ITPK1: variants seen among roughly 807,000 people sequenced by gnomAD.
The protein encoded by ITPK1 is inositol-tetrakisphosphate 1-kinase.
Under a neutral mutation model 45.3 loss-of-function variants are expected in ITPK1, and 21 were observed. The observed-to-expected ratio is 0.46, with a 90% CI of 0.33 to 0.67. ITPK1 has a LOEUF of 0.67. Among genes scored for constraint, ITPK1 ranks in the 30% least tolerant of loss-of-function variants. ITPK1 has a pLI of 0.02. For missense variants in ITPK1, 474 were observed against 573.5 expected (o/e 0.83, Z 1.77); for synonymous variants, 258 against 253.6 (o/e 1.02, Z -0.16).
rs1052977826 is a variant in ITPK1 at position 93,001,834 on chromosome 14, G to A, written c.247-7837C>T. Reference sequence around the variant, plus strand: ...GCCCAGCTGAGGGCCACAAGGCCTGGCCTTTCCACCAGCTCCTCCGTACCC... The same window carrying A: ...GCCCAGCTGAGGGCCACAAGGCCTGACCTTTCCACCAGCTCCTCCGTACCC... On this transcript the variant is annotated intron_variant, in intron 4 of 10. Transcript: ENST00000267615. Among the ~76,000 whole-genome samples, 56 of 152,308 alleles carry A rather than the reference G, an allele frequency of 3.7e-4. 1 individual carries two copies. Among genetic ancestry groups the A allele is most frequent in the African/African-American group, 1.3e-3 (53 of 41,562 alleles).
intron 4 of ITPK1, among the ~76,000 whole-genome samples, chr14:92,996,413 T>A (rs1887058116): frequency 8.2e-6 from 1 of 121,638 alleles, no homozygotes; most frequent in Non-Finnish European, 1.7e-5. Context: ...GTGGGGAATA[T>A]CACACACCGG....
In ITPK1 at chr14:92,938,253, C is replaced by A. The variant is rs552669314; in HGVS notation, c.*3308G>T. ...GATGACAGGCGTGAGCCGCCATGCC[C>A]GGCCAGAGTTTCTAGGGAATAGAAG... On this transcript the variant is annotated 3_prime_UTR_variant, in exon 11 of 11. Coordinates refer to ENST00000267615, the MANE Select transcript of ITPK1 (RefSeq NM_014216.6). The A allele has an allele frequency of 3.4e-6, 2 of 590,020 alleles. No individual in the cohort carries two copies. Among genetic ancestry groups the A allele is most frequent in the Non-Finnish European group, 6.0e-6 (2 of 332,788 alleles). The allele number at this position is 590,020 out of a possible 1,614,324, so 36.5% of individuals were successfully genotyped here.
At chr14:93,099,356 C>G (rs926321753) in intron 2 of ITPK1, among the ~76,000 whole-genome samples, 1 of 152,176 alleles carries the variant, frequency 6.6e-6, no homozygotes, top group African/African-American at 2.4e-5. Context: ...CAGGGTCAAA[C>G]AGCAACAGGC....
At chr14:92,950,682 A>C (rs1465639724) in intron 9 of ITPK1, among the ~76,000 whole-genome samples, 1 of 152,182 alleles carries the variant, frequency 6.6e-6, no homozygotes. Context: ...CTGAGAGGAC[A>C]CTCAGTCTGC....
intron 3 of ITPK1, chr14:93,068,269 G>C (rs1488662212): frequency 6.6e-6 from 1 of 152,264 alleles, no homozygotes; most frequent in Non-Finnish European, 1.5e-5. Context: ...ACCCCACAGG[G>C]AAGTGAGGCA....
chr14:92,997,871 T>C (rs1334316257), intron 4 of ITPK1, among the ~76,000 whole-genome samples: 1 of 152,084 alleles, frequency 6.6e-6, no homozygotes, highest in Non-Finnish European at 1.5e-5. Context: ...CTCTCAGGGT[T>C]TTCAGAGGCC....
At position 92,937,400 on chromosome 14, in the gene ITPK1, G is replaced by A. The variant is rs1252301147; in HGVS notation, c.*4161C>T. 1 of 152,242 alleles carries A rather than the reference G, an allele frequency of 6.6e-6. No individual in the cohort carries two copies. The highest frequency in any genetic ancestry group is 1.5e-5 in the Non-Finnish European group (1 of 68,056). The allele number at this position is 152,242 out of a possible 1,614,324, so 9.4% of individuals were successfully genotyped here. On this transcript the variant is annotated 3_prime_UTR_variant, in exon 11 of 11. Coordinates refer to ENST00000267615, the MANE Select transcript of ITPK1 (RefSeq NM_014216.6). ...GATTCCACACAGCCCTGGAGGAAGG[G>A]GGTCGGCCAGGCTGCAGGAGGGGAC...
At chr14:92,968,181 T>A (rs1179025771) in intron 5 of ITPK1, among the ~76,000 whole-genome samples, 1 of 151,918 alleles carries the variant, frequency 6.6e-6, no homozygotes, top group Non-Finnish European at 1.5e-5. Flanking sequence ...AATACAAGAA[T>A]TAGCTGGGTG....
intron 3 of ITPK1, among the ~76,000 whole-genome samples, chr14:93,029,454 A>G (rs1021981736): frequency 1.3e-5 from 2 of 152,002 alleles, no homozygotes; most frequent in South Asian, 2.1e-4. Context: ...TGGGCCTAGC[A>G]GGGTAAGAAA....
In ITPK1 at chr14:93,082,262, CGA is replaced by C. The variant is rs560756005; in HGVS notation, c.96-5645_96-5644del. Reference sequence around the variant, plus strand: ...GAGGCCCTGCGCCAGGCCCAGGAGACGAGAGAACACTGCAAGAAGGCAGCAGC... The same window carrying C: ...GAGGCCCTGCGCCAGGCCCAGGAGACGAGAACACTGCAAGAAGGCAGCAGC... On this transcript the variant is annotated intron_variant, in intron 2 of 10. Coordinates refer to ENST00000267615, the MANE Select transcript of ITPK1 (RefSeq NM_014216.6). Among the ~76,000 whole-genome samples, 23 of 152,270 alleles carry C rather than the reference CGA, an allele frequency of 1.5e-4. No individual in the cohort carries two copies. The South Asian group carries it at 4.6e-3, about 30-fold the overall frequency.
At chr14:92,999,746 G>A (rs1421340799) in intron 4 of ITPK1, among the ~76,000 whole-genome samples, 1 of 152,204 alleles carries the variant, frequency 6.6e-6, no homozygotes, top group Non-Finnish European at 1.5e-5. Flanking sequence ...CTACCTCATA[G>A]GATTTTTATT....
At chr14:93,095,929 G>T (rs1427578802) in intron 2 of ITPK1, among the ~76,000 whole-genome samples, 1 of 152,192 alleles carries the variant, frequency 6.6e-6, no homozygotes, top group Non-Finnish European at 1.5e-5. Flanking sequence ...ATGGGGTTGT[G>T]TTCTTTTTCA....
At chr14:92,991,340 G>A (rs961660404) in intron 5 of ITPK1, among the ~76,000 whole-genome samples, 3 of 152,050 alleles carry the variant, frequency 2.0e-5, no homozygotes, top group Non-Finnish European at 2.9e-5. Context: ...GCCTCTGACC[G>A]CCCTCCTGGA....
intron 3 of ITPK1, among the ~76,000 whole-genome samples, chr14:93,045,570 A>G (rs1039105378): frequency 6.6e-6 from 1 of 152,180 alleles, no homozygotes; most frequent in Non-Finnish European, 1.5e-5. Context: ...GAGGAGGATC[A>G]CTGGAGCCCA....
At chr14:92,990,610 G>T (rs1221729591) in intron 5 of ITPK1, among the ~76,000 whole-genome samples, 1 of 152,222 alleles carries the variant, frequency 6.6e-6, no homozygotes, top group African/African-American at 2.4e-5. Context: ...AGACAAGAAT[G>T]AGCTCTGGGA....
chr14:92,938,659 T>A lies in ITPK1; in HGVS notation c.*2902A>T. ...CAGCTGGGTCCAATCCCGCCGGCCATGCTGGGTGACTGCAGGCCCAGCCCA... is the reference window on the plus strand; with the variant it reads ...CAGCTGGGTCCAATCCCGCCGGCCAAGCTGGGTGACTGCAGGCCCAGCCCA... On this transcript the variant is annotated 3_prime_UTR_variant, in exon 11 of 11. Transcript: ENST00000267615. The A allele has an allele frequency of 4.1e-6, 3 of 730,286 alleles. No individual in the cohort carries two copies. In the South Asian group the frequency reaches 4.9e-5, roughly 12 times the overall value. The allele number at this position is 730,286 out of a possible 1,614,324, so 45.2% of individuals were successfully genotyped here. A position where few individuals can be genotyped will look rare whatever the true frequency, so the allele number is the denominator to read the frequency against.
chr14:93,091,349 A>G (rs1428364494), intron 2 of ITPK1, among the ~76,000 whole-genome samples: 3 of 152,200 alleles, frequency 2.0e-5, no homozygotes, highest in African/African-American at 7.2e-5. Flanking sequence ...CCACAGAAGC[A>G]CTTCCAGCTG....
intron 2 of ITPK1, among the ~76,000 whole-genome samples, chr14:93,114,392 C>T (rs1892860043): frequency 6.6e-6 from 1 of 152,224 alleles, no homozygotes; most frequent in Non-Finnish European, 1.5e-5. Context: ...GCACTTTCTA[C>T]GCACCAGCCA....
In ITPK1 at chr14:92,942,766, G is replaced by A. The variant is rs148669102; in HGVS notation, c.902-862C>T. On this transcript the variant is annotated intron_variant, in intron 10 of 10. Transcript: ENST00000267615. ...CCTCGGGAGCCACCAAGCAGGTTTC[G>A]GATCTCAGGGGAGGATTCTGCTGGC... Among the ~76,000 whole-genome samples, 1,416 of 152,336 alleles carry A rather than the reference G, an allele frequency of 9.3e-3. 16 individuals are homozygous for A. The highest frequency in any genetic ancestry group is 0.024 in the Middle Eastern group (7 of 294).
Sources: allele counts gnomAD v4.1 joint callset (sites outside exome capture counted in the v4.1 genomes callset), GRCh38; gene constraint gnomAD v4.1.1; transcripts MANE v1.5; gene names NCBI Gene and HGNC (gene_info 2026-07-23, HGNC 2026-07-21).